BIRC6: variants seen among roughly 807,000 people sequenced by gnomAD.
BIRC6 encodes the protein dual E2 ubiquitin-conjugating enzyme/E3 ubiquitin-protein ligase BIRC6.
In BIRC6, 98 loss-of-function variants were observed where a neutral mutation model predicts 503.3. That is an observed-to-expected ratio of 0.19 (90% confidence interval 0.17 to 0.23). The LOEUF (loss-of-function observed/expected upper bound fraction) is 0.23. BIRC6 is among the 10% of genes least tolerant of loss of function. BIRC6 has a pLI of 1.00. For missense variants in BIRC6, 5,360 were observed against 5,806.0 expected (o/e 0.92, Z 2.50); for synonymous variants, 2,240 against 2,078.7 (o/e 1.08, Z -2.11).
chr2:32,552,048 A>C (rs966963804), intron 65 of BIRC6, among the ~76,000 whole-genome samples: 2 of 152,182 alleles, frequency 1.3e-5, no homozygotes, highest in Non-Finnish European at 2.9e-5. Context: ...TTTTCTTTCT[A>C]TAACATGTTT....
intron 65 of BIRC6, among the ~76,000 whole-genome samples, chr2:32,556,864 G>A (rs1402448467): frequency 3.3e-5 from 5 of 152,206 alleles, no homozygotes; most frequent in South Asian, 2.1e-4. Flanking sequence ...GCTTGAAGCC[G>A]GGAGGCAGAG....
At chr2:32,504,029 GGTGTT>G (rs2053508626) in intron 49 of BIRC6, among the ~76,000 whole-genome samples, 1 of 77,498 alleles carries the variant, frequency 1.3e-5, no homozygotes, top group African/African-American at 5.5e-5. Flanking sequence ...GGGGTGGGGG[GGTGTT>G]TGTGTGTGTG....
rs1370493959 is a variant in BIRC6 at position 32,357,777 on chromosome 2, C to T, written c.325+291C>T. Among the ~76,000 whole-genome samples the T allele has an allele frequency of 6.6e-6, 1 of 152,016 alleles. No individual in the cohort carries two copies. Among genetic ancestry groups the T allele is most frequent in the Non-Finnish European group, 1.5e-5 (1 of 68,006 alleles). The stretch of plus-strand genomic sequence containing the variant: ...TGGTCCTCCGCGAGAGGTGAGGAGA[C>T]CTTGGAGCTTGGCACCGGAGGAAGC... On this transcript the variant is annotated intron_variant, in intron 1 of 73. Coordinates refer to ENST00000421745, the MANE Select transcript of BIRC6 (RefSeq NM_016252.4). The surrounding 1 kb of genome is among the most constrained non-coding windows in gnomAD (Gnocchi z 4.9).
At position 32,365,132 on chromosome 2, in the gene BIRC6, A is replaced by G. The variant is rs574526165; in HGVS notation, c.325+7646A>G. ...GGCTCTGTTTCTGGTGACTGACTTT[A>G]GTGATATTAAGAAAGAATAGAATAT... On this transcript the variant is annotated intron_variant, in intron 1 of 73. Coordinates refer to ENST00000421745, the MANE Select transcript of BIRC6 (RefSeq NM_016252.4). Among the ~76,000 whole-genome samples the G allele has an allele frequency of 2.6e-5, 4 of 152,292 alleles. No individual in the cohort carries two copies. The East Asian group carries it at 7.7e-4, about 29-fold the overall frequency.
In BIRC6 at chr2:32,531,487, G is replaced by A. The variant is rs1558986055; in HGVS notation, c.12227G>A (p.Gly4076Glu). ...PIQSPLQVFA[G>E]MGGLALIAER... ...CAGTCACCATTACAAGTTTTTGCAGGAATGGGTGGACTGGCTCTTATTGCT... is the reference window on the plus strand; with the variant it reads ...CAGTCACCATTACAAGTTTTTGCAGAAATGGGTGGACTGGCTCTTATTGCT... The change falls in exon 61 of 74, where the codon GGA becomes GAA. Residue 4076 changes from glycine to glutamate, a missense_variant. Physicochemically the swap from Gly to Glu is moderately conservative, Grantham distance 98. Around this residue, in one of 16 missense-constraint regions of BIRC6, gnomAD observed 878 missense variants for 928.9 expected, o/e 0.95. Coordinates refer to ENST00000421745, the MANE Select transcript of BIRC6 (RefSeq NM_016252.4). 10 of 1,613,776 alleles carry A rather than the reference G, an allele frequency of 6.2e-6. No individual in the cohort carries two copies. The highest frequency in any genetic ancestry group is 8.5e-6 in the Non-Finnish European group (10 of 1,179,816).
At chr2:32,593,829 A>T (rs1181339256) in intron 66 of BIRC6, 86 bp from the exon 67 acceptor site, 1 of 1,158,476 alleles carries the variant, frequency 8.6e-7, no homozygotes, top group South Asian at 1.5e-5. Context: ...AAATGCACAC[A>T]CTCATTTGTA....
At chr2:32,469,672 C>G in intron 30 of BIRC6, 58 bp downstream of exon 30, 1 of 1,411,680 alleles carries the variant, frequency 7.1e-7, no homozygotes, top group Non-Finnish European at 9.7e-7. Flanking sequence ...TTCACAGTTA[C>G]TGGTTAGCTT....
intron 10 of BIRC6, among the ~76,000 whole-genome samples, chr2:32,425,687 A>C (rs2043409350): frequency 6.6e-6 from 1 of 152,200 alleles, no homozygotes; most frequent in African/African-American, 2.4e-5. Flanking sequence ...CTATCTCTTT[A>C]AATCTTCCTG....
chr2:32,467,114 G>T (rs932051981), intron 26 of BIRC6, among the ~76,000 whole-genome samples: 1 of 136,716 alleles, frequency 7.3e-6, no homozygotes, highest in Admixed American at 7.5e-5. Context: ...TCGAGACTCC[G>T]TCTCAAAAAA....
intron 45 of BIRC6, among the ~76,000 whole-genome samples, chr2:32,493,961 T>C (rs1052829223): frequency 6.6e-6 from 1 of 152,178 alleles, no homozygotes; most frequent in African/African-American, 2.4e-5. Flanking sequence ...GTGAAATTTA[T>C]TTTGAAGCTG....
chr2:32,568,106 C>T (rs977442479), intron 65 of BIRC6, among the ~76,000 whole-genome samples: 6 of 150,562 alleles, frequency 4.0e-5, no homozygotes, highest in Non-Finnish European at 7.4e-5. Flanking sequence ...AGCGAGACTC[C>T]GTCTCAAAAA....
At position 32,569,832 on chromosome 2, in the gene BIRC6, T is replaced by C. The variant is rs151039909; in HGVS notation, c.13145-5324T>C. Among the ~76,000 whole-genome samples the C allele has an allele frequency of 5.4e-3, 822 of 152,288 alleles. 11 individuals carry two copies. The highest frequency in any genetic ancestry group is 0.019 in the African/African-American group (774 of 41,544). On this transcript the variant is annotated intron_variant, in intron 65 of 73. Transcript: ENST00000421745. ...ATGTATCAAATCCAAGAGTTTCTCATGGAGTCTTTAGGGTTTTCTAGATCA... is the reference window on the plus strand; with the variant it reads ...ATGTATCAAATCCAAGAGTTTCTCACGGAGTCTTTAGGGTTTTCTAGATCA...
intron 61 of BIRC6, among the ~76,000 whole-genome samples, chr2:32,540,395 AAAT>A (rs1203958054): frequency 6.6e-6 from 1 of 152,018 alleles, no homozygotes; most frequent in Non-Finnish European, 1.5e-5. Context: ...ATCTAATTTA[AAAT>A]AATTTATTTG....
chr2:32,416,298 CCTT>C (rs2042366880), intron 10 of BIRC6, 135 bp downstream of exon 10: 6 of 927,000 alleles, frequency 6.5e-6, no homozygotes, highest in South Asian at 2.1e-5. Flanking sequence ...AGTGGTAAAT[CCTT>C]CTTTTTAAAC....
chr2:32,485,565 G>T, intron 39 of BIRC6, 78 bp from the exon 40 acceptor site: 1 of 944,924 alleles, frequency 1.1e-6, no homozygotes, highest in Non-Finnish European at 1.7e-6. Context: ...GGGTTCAGAT[G>T]TCATCATTTT....
At chr2:32,436,453 A>G (rs1451567612) in intron 15 of BIRC6, among the ~76,000 whole-genome samples, 1 of 152,214 alleles carries the variant, frequency 6.6e-6, no homozygotes, top group Non-Finnish European at 1.5e-5. Flanking sequence ...GTGACATAAC[A>G]GAGCTCTTTT....
chr2:32,494,428 A>G (rs534809839), intron 45 of BIRC6, among the ~76,000 whole-genome samples: 111 of 151,334 alleles, frequency 7.3e-4, no homozygotes, highest in Non-Finnish European at 1.2e-3. Flanking sequence ...GGGTTTCACT[A>G]TGTTGGCCAG....
intron 65 of BIRC6, among the ~76,000 whole-genome samples, chr2:32,553,675 T>G (rs956510516): frequency 6.6e-6 from 1 of 151,896 alleles, no homozygotes; most frequent in Non-Finnish European, 1.5e-5. Context: ...CAGACAGGCA[T>G]GAGCCACAAC....
At chr2:32,423,306 A>T (rs1317339693) in intron 10 of BIRC6, among the ~76,000 whole-genome samples, 3 of 152,112 alleles carry the variant, frequency 2.0e-5, no homozygotes, top group Non-Finnish European at 2.9e-5. Flanking sequence ...AATGTGTTAA[A>T]TATATATAAT....
Sources: gnomAD v4.1 joint callset for allele counts (sites outside exome capture counted in the v4.1 genomes callset) on GRCh38, gnomAD v4.1.1 for gene constraint, gnomAD v4.1.1 regional missense constraint, Gnocchi (gnomAD v3.1) non-coding constraint, MANE v1.5 for transcripts, NCBI Gene and HGNC (gene_info 2026-07-23, HGNC 2026-07-21) for gene names.